ZMYM6: variants seen among roughly 807,000 people sequenced by gnomAD.
ZMYM6 encodes the protein zinc finger MYM-type protein 6.
A neutral mutation model predicts 134.0 loss-of-function variants in ZMYM6; 90 were observed. The observed-to-expected ratio is 0.67, with a 90% confidence interval of 0.57 to 0.80. ZMYM6 has a LOEUF of 0.80. ZMYM6 is among the 30% of genes least tolerant of loss of function. The pLI, the probability that ZMYM6 is intolerant of heterozygous loss-of-function variation, is 0.00. For missense variants in ZMYM6, 1,362 were observed against 1,533.9 expected (o/e 0.89, Z 1.87); for synonymous variants, 481 against 524.1 (o/e 0.92, Z 1.12).
At chr1:35,005,077 G>A (rs375428236) in intron 13 of ZMYM6, 55 bp downstream of exon 13, 6 of 1,600,816 alleles carry the variant, frequency 3.7e-6, no homozygotes, top group Non-Finnish European at 5.1e-6. Context: ...AACTACTTAG[G>A]CTAGACAACA....
intron 2 of ZMYM6, among the ~76,000 whole-genome samples, chr1:35,023,911 C>T (rs190503478): frequency 3.9e-5 from 6 of 152,220 alleles, no homozygotes; most frequent in Admixed American, 3.9e-4. Context: ...CATGAGCCAC[C>T]GCGCCCGGCC....
chr1:35,024,622 C>A (rs2148461180), intron 2 of ZMYM6, among the ~76,000 whole-genome samples: 1 of 152,292 alleles, frequency 6.6e-6, no homozygotes, highest in South Asian at 2.1e-4. Flanking sequence ...ATTTTTAAAT[C>A]TATTATCTTT....
rs772185390 is a variant in ZMYM6 at position 34,987,934 on chromosome 1, A to G, written c.3148T>C (p.Leu1050=). 1 of 1,551,580 alleles carries G rather than the reference A, an allele frequency of 6.4e-7. No individual in the cohort carries two copies. Among genetic ancestry groups the G allele is most frequent in the African/African-American group, 1.4e-5 (1 of 73,060 alleles). Residue 1050 remains leucine (L), a synonymous_variant, in exon 16 of 16, where the codon TTA becomes CTA. Coordinates refer to ENST00000357182, the MANE Select transcript of ZMYM6 (RefSeq NM_007167.4). The part of the protein sequence containing the change: ...IKSNALNSRM[L]TILCEEMGSE... ...CCCATCTCTTCACACAAAATTGTTA[A>G]CATACGTGAATTTAATGCATTGCTC...
At chr1:34,993,892 A>G (rs562782358) in intron 14 of ZMYM6, among the ~76,000 whole-genome samples, 10 of 151,130 alleles carry the variant, frequency 6.6e-5, no homozygotes, top group Non-Finnish European at 1.3e-4. Context: ...TCACCGTGTT[A>G]GCCAGGATGG....
At chr1:35,002,828 A>G (rs2151554) in intron 14 of ZMYM6, among the ~76,000 whole-genome samples, 36,281 of 152,118 alleles carry the variant, frequency 0.24, 10,542 homozygotes, top group African/African-American at 0.69. Flanking sequence ...AAATGGCATT[A>G]TTCTACGATA....
At chr1:35,023,874 G>A (rs185788208) in intron 2 of ZMYM6, among the ~76,000 whole-genome samples, 30 of 152,062 alleles carry the variant, frequency 2.0e-4, no homozygotes, top group Admixed American at 1.0e-3. Context: ...TGCCCGTCTC[G>A]GCCTCCCAAA....
At chr1:35,026,714 T>C (rs1297975414) in intron 2 of ZMYM6, among the ~76,000 whole-genome samples, 9 of 152,358 alleles carry the variant, frequency 5.9e-5, no homozygotes, top group Non-Finnish European at 1.2e-4. Context: ...CAACAAACTG[T>C]TGTATCCCAG....
intron 14 of ZMYM6, among the ~76,000 whole-genome samples, chr1:34,997,409 T>C (rs902662389): frequency 6.6e-6 from 1 of 152,156 alleles, no homozygotes; most frequent in Non-Finnish European, 1.5e-5. Flanking sequence ...GATCAAGCAA[T>C]TCCTCGTGCC....
chr1:35,013,982 G>A (rs1385645964), intron 6 of ZMYM6, among the ~76,000 whole-genome samples: 3 of 152,090 alleles, frequency 2.0e-5, no homozygotes, highest in African/African-American at 4.8e-5. Context: ...GAGCCACCGC[G>A]CCGGCCTTAC....
In ZMYM6 at chr1:35,010,553, G is replaced by T; in HGVS notation, c.1386C>A (p.Tyr462Ter). The change falls in exon 10 of 16, where the codon TAC becomes TAA. Residue 462 changes from tyrosine to a stop codon, truncating the protein, a stop_gained. Coordinates refer to ENST00000357182, the MANE Select transcript of ZMYM6 (RefSeq NM_007167.4). LOFTEE classifies it high-confidence loss of function. ...LFCGKNCSDE[Y>*]KKKNKVVAMC... ...TTGCCACAACTTTATTTTTCTTCTT[G>T]TATTCATCAGAGCAATTCTTGCCAC... The T allele has an allele frequency of 6.2e-7, 1 of 1,613,730 alleles. No individual in the cohort carries two copies. Among genetic ancestry groups the T allele is most frequent in the South Asian group, 1.1e-5 (1 of 90,998 alleles).
At chr1:35,030,971 G>A (rs1000274000) in intron 1 of ZMYM6, among the ~76,000 whole-genome samples, 2 of 152,108 alleles carry the variant, frequency 1.3e-5, no homozygotes, top group African/African-American at 4.8e-5. Context: ...TATGTTGAAG[G>A]TTATTGAAGG....
intron 1 of ZMYM6, chr1:35,031,502 G>A (rs925153615): frequency 2.6e-5 from 4 of 152,250 alleles, no homozygotes; most frequent in East Asian, 3.8e-4. Flanking sequence ...CTGTTCCAAA[G>A]AAGAAATGAG....
intron 2 of ZMYM6, among the ~76,000 whole-genome samples, chr1:35,026,244 C>T (rs1641413221): frequency 6.6e-6 from 1 of 152,098 alleles, no homozygotes; most frequent in Non-Finnish European, 1.5e-5. Context: ...TGGTCTTGAA[C>T]TCCTGACCTC....
chr1:35,019,662 C>A, intron 3 of ZMYM6, 60 bp from the exon 4 acceptor site: 1 of 967,154 alleles, frequency 1.0e-6, no homozygotes, highest in South Asian at 2.3e-5. Flanking sequence ...CAGTCTCAGT[C>A]TCTCTCTCTC....
Position 35,010,751 on chromosome 1 carries a change from T to C in ZMYM6, c.1341+7A>G. 6.4e-7 allele frequency: 1 copy of C among 1,552,896 alleles called. No individual in the cohort carries two copies. Among genetic ancestry groups the C allele is most frequent in the African/African-American group, 1.4e-5 (1 of 72,646 alleles). ...TATATACAATCCCTTTCATGATCTC[T>C]CTTTACCTTGTAAAAAAGAAGTTCT... On this transcript the variant is annotated splice_region_variant and intron_variant, in intron 9 of 15. Coordinates refer to ENST00000357182, the MANE Select transcript of ZMYM6 (RefSeq NM_007167.4).
intron 2 of ZMYM6, among the ~76,000 whole-genome samples, chr1:35,028,420 T>C (rs891224539): frequency 5.3e-5 from 8 of 152,108 alleles, no homozygotes; most frequent in Admixed American, 3.3e-4. Flanking sequence ...ATAAAGTCAA[T>C]AACTTTGAGT....
At chr1:35,020,122 T>C (rs539183456) in intron 3 of ZMYM6, among the ~76,000 whole-genome samples, 1 of 152,222 alleles carries the variant, frequency 6.6e-6, no homozygotes, top group Admixed American at 6.5e-5. Context: ...TACATATGTT[T>C]GTAAACGTGG....
intron 14 of ZMYM6, among the ~76,000 whole-genome samples, chr1:34,996,611 G>T (rs1640790272): frequency 6.6e-6 from 1 of 152,136 alleles, no homozygotes; most frequent in African/African-American, 2.4e-5. Context: ...ATGGCACCAT[G>T]TTACACAATT....
chr1:35,005,629 CA>C (rs1182722333), intron 12 of ZMYM6, among the ~76,000 whole-genome samples: 2,211 of 59,270 alleles, frequency 0.037, 36 homozygotes, highest in African/African-American at 0.085. Flanking sequence ...AACCTAGTCT[CA>C]AAAAAAAAAA....
Sources: gnomAD v4.1 joint callset for allele counts (sites outside exome capture counted in the v4.1 genomes callset) on GRCh38, gnomAD v4.1.1 for gene constraint, MANE v1.5 for transcripts, NCBI Gene and HGNC (gene_info 2026-07-23, HGNC 2026-07-21) for gene names.